ZNF804B: variants seen among roughly 807,000 people sequenced by gnomAD.
ZNF804B encodes zinc finger protein 804B, also known as zinc finger 804B.
ZNF804B carries 80 observed loss-of-function variants against 101.4 expected under a neutral mutation model. That is an observed-to-expected ratio of 0.79 (90% CI 0.66 to 0.95). ZNF804B has a LOEUF of 0.95. Among genes scored for constraint, ZNF804B ranks in the 40% least tolerant of loss-of-function variants. The pLI, the probability that ZNF804B is intolerant of heterozygous loss-of-function variation, is 0.00. For missense variants in ZNF804B, 1,673 were observed against 1,561.9 expected (o/e 1.07, Z -1.20); for synonymous variants, 622 against 558.8 (o/e 1.11, Z -1.59).
chr7:88,844,055 T>C (rs1791331118), intron 1 of ZNF804B, among the ~76,000 whole-genome samples: 1 of 152,144 alleles, frequency 6.6e-6, no homozygotes, highest in Admixed American at 6.5e-5. Flanking sequence ...ACCCATTATG[T>C]AGAGTTAACA....
intron 2 of ZNF804B, among the ~76,000 whole-genome samples, chr7:89,309,759 C>CAAAAAAAAAAAAAAAAAAA (rs397791531): frequency 5.6e-5 from 4 of 70,820 alleles, no homozygotes; most frequent in African/African-American, 1.9e-4. Flanking sequence ...GACCCTGTCT[C>CAAAAAAAAAAAAAAAAAAA]AAAAAAAAAA....
intron 1 of ZNF804B, among the ~76,000 whole-genome samples, chr7:88,960,301 G>A (rs1296968586): frequency 2.6e-5 from 4 of 151,366 alleles, no homozygotes; most frequent in African/African-American, 4.8e-5. Flanking sequence ...CTGGTTGGCA[G>A]ATGGAGAAGT....
In ZNF804B at chr7:88,797,390, C is replaced by T. The variant is rs3915189; in HGVS notation, c.108+37306C>T. Among the ~76,000 whole-genome samples, 202 of 152,274 alleles carry T rather than the reference C, an allele frequency of 1.3e-3. 3 individuals carry two copies. The highest frequency in any genetic ancestry group is 0.013 in the Admixed American group (192 of 15,272). ...TGAAACCATAAGCCCTTTGATACATCTACTTTATAAAGTTAAAAAGATTCT... is the reference window on the plus strand; with the variant it reads ...TGAAACCATAAGCCCTTTGATACATTTACTTTATAAAGTTAAAAAGATTCT... On this transcript the variant is annotated intron_variant, in intron 1 of 3. Coordinates refer to ENST00000333190, the MANE Select transcript of ZNF804B (RefSeq NM_181646.5).
At chr7:89,014,314 GTTT>G (rs1017107165) in intron 1 of ZNF804B, among the ~76,000 whole-genome samples, 79 of 151,934 alleles carry the variant, frequency 5.2e-4, no homozygotes, top group Non-Finnish European at 1.0e-3. Flanking sequence ...ATTGAACTTT[GTTT>G]TTGTTGTTTT....
intron 2 of ZNF804B, among the ~76,000 whole-genome samples, chr7:89,289,353 A>C (rs200798690): frequency 3.9e-5 from 6 of 152,124 alleles, no homozygotes; most frequent in East Asian, 1.9e-4. Flanking sequence ...GCAAAAAAAA[A>C]CCAACAAACA....
chr7:89,049,427 G>T (rs1415889287), intron 1 of ZNF804B, among the ~76,000 whole-genome samples: 1 of 152,112 alleles, frequency 6.6e-6, no homozygotes, highest in Non-Finnish European at 1.5e-5. Context: ...TAGAAAACTT[G>T]CCAGCTGGTT....
rs117996780 is a variant in ZNF804B, at chr7:88,957,411, T to C, written c.108+197327T>C. Among the ~76,000 whole-genome samples, 1,386 of 151,562 alleles carry C rather than the reference T, an allele frequency of 9.1e-3. 8 individuals are homozygous for C. Among genetic ancestry groups the C allele is most frequent in the South Asian group, 0.013 (64 of 4,828 alleles). On this transcript the variant is annotated intron_variant, in intron 1 of 3. Coordinates refer to ENST00000333190, the MANE Select transcript of ZNF804B (RefSeq NM_181646.5). ...ATAAAGAGGCTAAAGTGAATTCATA[T>C]TGGTAACCTCAAGCACAATTATACA...
In ZNF804B at chr7:88,839,468, C is replaced by T. The variant is rs183831146; in HGVS notation, c.108+79384C>T. On this transcript the variant is annotated intron_variant, in intron 1 of 3. Coordinates refer to ENST00000333190, the MANE Select transcript of ZNF804B (RefSeq NM_181646.5). The stretch of plus-strand genomic sequence containing the variant: ...AAGTAGAGTAATATGCTCAATGTTG[C>T]ACAGCTATTAGGTGGCAAATCTGAG... Among the ~76,000 whole-genome samples, 87 of 152,004 alleles carry T rather than the reference C, an allele frequency of 5.7e-4. 2 individuals are homozygous for T. In the East Asian group the frequency reaches 0.016, roughly 28 times the overall value.
chr7:89,014,511 T>A (rs1788511491), intron 1 of ZNF804B, among the ~76,000 whole-genome samples: 1 of 152,098 alleles, frequency 6.6e-6, no homozygotes, highest in Non-Finnish European at 1.5e-5. Context: ...AGAGACGGGG[T>A]TTCACCGTGT....
At position 88,980,885 on chromosome 7, in the gene ZNF804B, T is replaced by C. The variant is rs1793684123; in HGVS notation, c.108+220801T>C. 2.0e-5 allele frequency among the ~76,000 whole-genome samples: 3 copies of C among 152,052 alleles called. 1 individual carries two copies. The highest frequency in any genetic ancestry group is 4.4e-5 in the Non-Finnish European group (3 of 67,974). ...CAGCTGCTTATTCCAGCCAGCCTAT[T>C]GTCCTTCCCTTCAGACCAGTGAGCT... On this transcript the variant is annotated intron_variant, in intron 1 of 3. Coordinates refer to ENST00000333190, the MANE Select transcript of ZNF804B (RefSeq NM_181646.5).
At chr7:88,800,771 T>C (rs765941283) in intron 1 of ZNF804B, among the ~76,000 whole-genome samples, 1 of 150,914 alleles carries the variant, frequency 6.6e-6, no homozygotes, top group African/African-American at 2.4e-5. Flanking sequence ...ATGTTAAAGA[T>C]AGGAAGTGTG....
chr7:88,795,202 C>A (rs111506974), intron 1 of ZNF804B, among the ~76,000 whole-genome samples: 3 of 151,936 alleles, frequency 2.0e-5, no homozygotes, highest in Non-Finnish European at 4.4e-5. Context: ...AAGTTTACAA[C>A]GAAAGAGTTA....
At chr7:88,769,581 A>C (rs1586895058) in intron 1 of ZNF804B, among the ~76,000 whole-genome samples, 1 of 152,212 alleles carries the variant, frequency 6.6e-6, no homozygotes, top group South Asian at 2.1e-4. Context: ...GCTTCTGATA[A>C]ATGAATTACA....
chr7:88,819,758 T>G (rs754753432), intron 1 of ZNF804B, among the ~76,000 whole-genome samples: 17 of 152,268 alleles, frequency 1.1e-4, no homozygotes, highest in Non-Finnish European at 1.8e-4. Context: ...ACATATACAT[T>G]TAACAGTTTC....
chr7:89,060,184 A>G (rs747450521), intron 1 of ZNF804B, among the ~76,000 whole-genome samples: 4 of 152,052 alleles, frequency 2.6e-5, no homozygotes, highest in Non-Finnish European at 4.4e-5. Context: ...CAGCCACCAT[A>G]ATTGCATAAG....
Position 89,257,685 on chromosome 7 carries a change from G to A in ZNF804B, c.249+39390G>A, listed in dbSNP as rs143232556. Among the ~76,000 whole-genome samples, 578 of 152,222 alleles carry A rather than the reference G, an allele frequency of 3.8e-3. 3 individuals carry two copies. The highest frequency in any genetic ancestry group is 0.013 in the African/African-American group (554 of 41,564). On this transcript the variant is annotated intron_variant, in intron 2 of 3. Coordinates refer to ENST00000333190, the MANE Select transcript of ZNF804B (RefSeq NM_181646.5). ...ATAGAAGTAAATTGCATGTTGTAGG[G>A]CTTTGGTTTGCAGATTATTTCACTA... is the stretch of plus-strand genomic sequence containing the variant.
At chr7:89,079,992 G>A (rs1049440045) in intron 1 of ZNF804B, among the ~76,000 whole-genome samples, 4 of 151,856 alleles carry the variant, frequency 2.6e-5, no homozygotes, top group African/African-American at 4.8e-5. Flanking sequence ...AAGGCTTTGA[G>A]CTTTGGCATG....
intron 1 of ZNF804B, among the ~76,000 whole-genome samples, chr7:88,831,553 C>T (rs1234260891): frequency 1.3e-5 from 2 of 151,526 alleles, no homozygotes; most frequent in East Asian, 1.9e-4. Flanking sequence ...GCTTTTGTCA[C>T]GTTTTGACAA....
intron 1 of ZNF804B, among the ~76,000 whole-genome samples, chr7:88,875,019 T>A (rs1791905790): frequency 7.8e-6 from 1 of 128,248 alleles, no homozygotes; most frequent in Non-Finnish European, 1.6e-5. Flanking sequence ...TCAAAACCGC[T>A]CAACTACATG....
Sources: gnomAD v4.1 joint callset for allele counts (sites outside exome capture counted in the v4.1 genomes callset) on GRCh38, gnomAD v4.1.1 for gene constraint, MANE v1.5 for transcripts, NCBI Gene and HGNC (gene_info 2026-07-23, HGNC 2026-07-21) for gene names.